The following PTPRT variants were observed in gnomAD, a reference collection of about 807,000 sequenced individuals.
PTPRT encodes receptor-type tyrosine-protein phosphatase T.
PTPRT carries 56 observed loss-of-function variants against 176.8 expected under a neutral mutation model. The ratio of observed to expected loss-of-function variants is 0.32; its 90% CI spans 0.26 to 0.40. The LOEUF is 0.40. PTPRT is among the 10% of genes least tolerant of loss of function. PTPRT has a pLI of 1.00. For missense variants in PTPRT, 1,540 were observed against 1,908.2 expected (o/e 0.81, Z 3.60); for synonymous variants, 783 against 739.0 (o/e 1.06, Z -0.96).
chr20:43,115,971 A>G (rs1406127893), intron 1 of PTPRT, among the ~76,000 whole-genome samples: 2 of 152,052 alleles, frequency 1.3e-5, no homozygotes, highest in East Asian at 3.8e-4. Context: ...TGGAATCTCC[A>G]TTTTTCTGTA....
chr20:42,637,279 C>T (rs2074623982), intron 7 of PTPRT, among the ~76,000 whole-genome samples: 1 of 152,168 alleles, frequency 6.6e-6, no homozygotes, highest in Non-Finnish European at 1.5e-5. Context: ...GTCTCCTTCT[C>T]ACTGGGCTAA....
rs114928447 is a variant in PTPRT at position 42,257,022 on chromosome 20, T to C, written c.2177-8200A>G. 4.8e-3 allele frequency among the ~76,000 whole-genome samples: 726 copies of C among 152,298 alleles called. 7 individuals carry two copies. The highest frequency in any genetic ancestry group is 0.016 in the African/African-American group (646 of 41,568). On this transcript the variant is annotated intron_variant, in intron 13 of 30. Transcript: ENST00000373187. ...AGCCAAATCCAGAAGCCAGTAGGCA[T>C]GCGGGTCCCATGCAGGGGTCACCTA...
chr20:42,864,751 C>G (rs1038996909), intron 2 of PTPRT, among the ~76,000 whole-genome samples: 1 of 152,154 alleles, frequency 6.6e-6, no homozygotes, highest in East Asian at 1.9e-4. Flanking sequence ...CCAAGGTTAT[C>G]AAAGTTTTAT....
At position 42,925,055 on chromosome 20, in the gene PTPRT, A is replaced by G. The variant is rs187824706; in HGVS notation, c.89-39123T>C. ...GAGAGAAGCGCCATCCTAAATGAAA[A>G]CCTTAAAGCCACAAATGATGAGAAT... On this transcript the variant is annotated intron_variant, in intron 1 of 30. Coordinates refer to ENST00000373187, the MANE Select transcript of PTPRT (RefSeq NM_007050.6). 2.5e-3 allele frequency among the ~76,000 whole-genome samples: 384 copies of G among 152,190 alleles called. 1 individual carries two copies. Among genetic ancestry groups the G allele is most frequent in the African/African-American group, 8.8e-3 (364 of 41,520 alleles).
intron 26 of PTPRT, among the ~76,000 whole-genome samples, chr20:42,099,347 T>C (rs1985631751): frequency 6.6e-6 from 1 of 152,116 alleles, no homozygotes; most frequent in African/African-American, 2.4e-5. Flanking sequence ...GAATGAGATT[T>C]ACGTGTGAAA....
At chr20:42,653,085 T>C (rs2075060732) in intron 7 of PTPRT, among the ~76,000 whole-genome samples, 1 of 152,148 alleles carries the variant, frequency 6.6e-6, no homozygotes, top group Non-Finnish European at 1.5e-5. Flanking sequence ...AGTACTCACA[T>C]GTCGTGGGAG....
intron 13 of PTPRT, among the ~76,000 whole-genome samples, chr20:42,278,356 G>A (rs76476223): frequency 0.014 from 2,100 of 151,464 alleles, 54 homozygotes; most frequent in African/African-American, 0.048. Context: ...AAGGCCCCAA[G>A]CTTGGGAGGA....
the PTPRT span, among the ~76,000 whole-genome samples, chr20:42,044,205 T>C: frequency 6.6e-6 from 1 of 152,324 alleles, no homozygotes; most frequent in South Asian, 2.1e-4. Context: ...CCTCCTCCAG[T>C]TGGACTCTGT....
intron 6 of PTPRT, among the ~76,000 whole-genome samples, chr20:42,753,790 C>T (rs1683117625): frequency 6.6e-6 from 1 of 152,272 alleles, no homozygotes; most frequent in Admixed American, 6.5e-5. Context: ...TCCACCACAT[C>T]CTCTGTCCCA....
intron 7 of PTPRT, among the ~76,000 whole-genome samples, chr20:42,543,927 C>T (rs1399251973): frequency 6.6e-6 from 1 of 152,090 alleles, no homozygotes; most frequent in Non-Finnish European, 1.5e-5. Flanking sequence ...CAATAGTGGG[C>T]TTAAAATCTT....
rs146976638 is a variant in PTPRT, at chr20:42,734,905, G to A, written c.859+21557C>T. 2.1e-3 allele frequency among the ~76,000 whole-genome samples: 326 copies of A among 152,202 alleles called. 1 individual carries two copies. Among genetic ancestry groups the A allele is most frequent in the African/African-American group, 7.5e-3 (311 of 41,532 alleles). ...ACCATCCCTTCTGCCCACATTCTACGGTTCAAACCAAGCCACATGGCCAAG... is the reference window on the plus strand; with the variant it reads ...ACCATCCCTTCTGCCCACATTCTACAGTTCAAACCAAGCCACATGGCCAAG... On this transcript the variant is annotated intron_variant, in intron 6 of 30. Coordinates refer to ENST00000373187, the MANE Select transcript of PTPRT (RefSeq NM_007050.6).
chr20:42,580,698 C>G (rs2073355256), intron 7 of PTPRT, among the ~76,000 whole-genome samples: 1 of 152,126 alleles, frequency 6.6e-6, no homozygotes, highest in South Asian at 2.1e-4. Context: ...TGATTTGGCT[C>G]TCTGTTTGTC....
intron 2 of PTPRT, among the ~76,000 whole-genome samples, chr20:42,870,211 G>A (rs1363760136): frequency 1.3e-5 from 2 of 151,896 alleles, no homozygotes; most frequent in East Asian, 3.9e-4. Flanking sequence ...TTTTATTTCT[G>A]TAAGTTTGAC....
chr20:42,884,340 CTT>C (rs1311848534), intron 2 of PTPRT, among the ~76,000 whole-genome samples: 2 of 152,114 alleles, frequency 1.3e-5, no homozygotes, highest in Non-Finnish European at 2.9e-5. Context: ...AATTAATGCC[CTT>C]AATAGGAGCT....
At chr20:42,643,127 G>GTATT (rs2145937935) in intron 7 of PTPRT, among the ~76,000 whole-genome samples, 1 of 152,176 alleles carries the variant, frequency 6.6e-6, no homozygotes, top group East Asian at 1.9e-4. Flanking sequence ...TGCACATTGA[G>GTATT]TATTGTTACG....
chr20:42,452,676 G>T (rs1324984731), intron 8 of PTPRT, among the ~76,000 whole-genome samples: 1 of 152,178 alleles, frequency 6.6e-6, no homozygotes, highest in Non-Finnish European at 1.5e-5. Flanking sequence ...GTCTGATGAA[G>T]ACTGTGAGCA....
chr20:42,124,343 C>T (rs554902350), intron 19 of PTPRT, among the ~76,000 whole-genome samples: 8 of 152,336 alleles, frequency 5.3e-5, no homozygotes, highest in Admixed American at 4.6e-4. Flanking sequence ...GCATCCAAAA[C>T]GCATTTATCT....
chr20:42,056,463 C>T, the PTPRT span, among the ~76,000 whole-genome samples: 1 of 152,120 alleles, frequency 6.6e-6, no homozygotes, highest in African/African-American at 2.4e-5. Flanking sequence ...AGGCTGTATC[C>T]CTGCATCCTT....
At chr20:42,535,652 C>T (rs901920184) in intron 7 of PTPRT, among the ~76,000 whole-genome samples, 17 of 152,128 alleles carry the variant, frequency 1.1e-4, no homozygotes, top group Non-Finnish European at 2.9e-5. Flanking sequence ...AATAAAAGGG[C>T]CTCATGGCCT....
Sources: gnomAD v4.1 joint callset for allele counts (sites outside exome capture counted in the v4.1 genomes callset) on GRCh38, gnomAD v4.1.1 for gene constraint, MANE v1.5 for transcripts, NCBI Gene and HGNC (gene_info 2026-07-23, HGNC 2026-07-21) for gene names.